Variants in CSMD1 observed in about 807,000 individuals in gnomAD.
CSMD1 encodes the protein CUB and Sushi multiple domains 1.
In CSMD1, 213 loss-of-function variants were observed where a neutral mutation model predicts 417.5. The ratio of observed to expected loss-of-function variants is 0.51; its 90% CI spans 0.46 to 0.57. The LOEUF (loss-of-function observed/expected upper bound fraction) is 0.57, where lower values mean the gene tolerates loss of function less well. CSMD1 is among the 20% of genes least tolerant of loss of function. The pLI is 0.00. For synonymous variants in CSMD1, 2,862 were observed against 1,736.8 expected, an observed-to-expected ratio of 1.65 and a Z score of -16.11; for missense variants, 6,923 against 4,529.7, an observed-to-expected ratio of 1.53 and a Z score of -15.17.
chr8:4,622,516 CT>C (rs1385823867), intron 2 of CSMD1, among the ~76,000 whole-genome samples: 1 of 152,146 alleles, frequency 6.6e-6, no homozygotes, highest in Non-Finnish European at 1.5e-5. Flanking sequence ...TCTCTTCCTC[CT>C]GCTGTGTCCA....
chr8:4,190,742 A>G (rs975136637), intron 3 of CSMD1, among the ~76,000 whole-genome samples: 36 of 152,194 alleles, frequency 2.4e-4, no homozygotes, highest in African/African-American at 7.7e-4. Flanking sequence ...ATGAATGGAT[A>G]TAACTAATTA....
chr8:3,207,316 T>G (rs76057018), intron 30 of CSMD1, among the ~76,000 whole-genome samples: 2 of 128,668 alleles, frequency 1.6e-5, no homozygotes, highest in Non-Finnish European at 3.4e-5. Context: ...CCTGGCTGAT[T>G]TTTTTTTTTT....
chr8:3,600,498 C>T (rs958769952), intron 8 of CSMD1, among the ~76,000 whole-genome samples: 2 of 152,132 alleles, frequency 1.3e-5, no homozygotes, highest in Non-Finnish European at 2.9e-5. Context: ...AAAGGGACGC[C>T]AAGTGTCAAA....
chr8:3,585,622 G>T (rs1029126005), intron 9 of CSMD1, among the ~76,000 whole-genome samples: 8 of 152,074 alleles, frequency 5.3e-5, no homozygotes, highest in Non-Finnish European at 1.2e-4. Context: ...AAATGATGAT[G>T]ACAATAATGA....
At chr8:3,415,153 T>G (rs544004686) in intron 12 of CSMD1, among the ~76,000 whole-genome samples, 2 of 152,364 alleles carry the variant, frequency 1.3e-5, no homozygotes, top group East Asian at 3.9e-4. Flanking sequence ...TTAAATTGTA[T>G]ATATTGTTCA....
At chr8:3,492,041 G>A (rs559026833) in intron 11 of CSMD1, among the ~76,000 whole-genome samples, 23 of 152,286 alleles carry the variant, frequency 1.5e-4, no homozygotes, top group African/African-American at 4.8e-4. Context: ...ATGAGGAAAA[G>A]GATTAATCAG....
At chr8:3,881,217 T>C (rs1235526709) in intron 5 of CSMD1, among the ~76,000 whole-genome samples, 1 of 151,646 alleles carries the variant, frequency 6.6e-6, no homozygotes, top group East Asian at 1.9e-4. Context: ...TAGATTCAAG[T>C]CACTCTCAAC....
intron 3 of CSMD1, among the ~76,000 whole-genome samples, chr8:4,117,642 C>T (rs779891184): frequency 1.3e-4 from 20 of 152,256 alleles, no homozygotes; most frequent in Non-Finnish European, 2.9e-4. Flanking sequence ...AACGCTGAAG[C>T]GCCCGCACTT....
intron 4 of CSMD1, among the ~76,000 whole-genome samples, chr8:3,999,803 G>A (rs985454657): frequency 1.3e-5 from 2 of 152,118 alleles, no homozygotes; most frequent in Admixed American, 6.5e-5. Context: ...ACTACATGAG[G>A]GATGGGTGTT....
In CSMD1 at chr8:3,980,460, A is replaced by AC. The variant is rs1563279094; in HGVS notation, c.818+17442_818+17443insG. ...CTTCACATCTTACACGTTTGTGAAG[A>AC]TTTTTTTTTGCCAAACTTCCTCACA... On this transcript the variant is annotated intron_variant, in intron 5 of 69. Transcript: ENST00000635120. Among the ~76,000 whole-genome samples the AC allele has an allele frequency of 4.6e-5, 7 of 151,614 alleles. No homozygotes were observed. In the South Asian group the frequency reaches 6.3e-4, roughly 14 times the overall value.
In CSMD1 at chr8:3,352,124, C is replaced by T. The variant is rs181207827; in HGVS notation, c.3305-3963G>A. ...CCACTTGACACCGCAGCCGTGTTGG[C>T]ATCTCCAAAGGCCTACTGAGAAACA... On this transcript the variant is annotated intron_variant, in intron 21 of 69. Coordinates refer to ENST00000635120, the MANE Select transcript of CSMD1 (RefSeq NM_033225.6). Among the ~76,000 whole-genome samples, 510 of 152,260 alleles carry T rather than the reference C, an allele frequency of 3.3e-3. 2 individuals carry two copies. The highest frequency in any genetic ancestry group is 5.6e-3 in the Non-Finnish European group (384 of 68,022).
chr8:4,873,960 G>A (rs893333732), intron 1 of CSMD1, among the ~76,000 whole-genome samples: 2 of 152,116 alleles, frequency 1.3e-5, no homozygotes, highest in African/African-American at 4.8e-5. Flanking sequence ...ACTATTTCAA[G>A]CTATAAATAT....
chr8:4,825,801 A>G (rs1043983587), intron 1 of CSMD1, among the ~76,000 whole-genome samples: 3 of 151,948 alleles, frequency 2.0e-5, no homozygotes, highest in Admixed American at 2.0e-4. Flanking sequence ...AAAAAGAAAA[A>G]AAAAAGAAAT....
At chr8:4,591,198 A>G (rs1330329231) in intron 2 of CSMD1, among the ~76,000 whole-genome samples, 1 of 152,206 alleles carries the variant, frequency 6.6e-6, no homozygotes, top group African/African-American at 2.4e-5. Flanking sequence ...GTATTGGCTG[A>G]GTAAAGATGA....
At chr8:3,717,163 C>T (rs1374384531) in intron 6 of CSMD1, among the ~76,000 whole-genome samples, 1 of 152,114 alleles carries the variant, frequency 6.6e-6, no homozygotes, top group African/African-American at 2.4e-5. Flanking sequence ...TTTTTATTTT[C>T]GTCGATAATT....
At chr8:4,347,615 A>C (rs1306146402) in intron 3 of CSMD1, among the ~76,000 whole-genome samples, 2 of 152,300 alleles carry the variant, frequency 1.3e-5, no homozygotes, top group East Asian at 3.9e-4. Flanking sequence ...ATCTGCTCTG[A>C]GTCTTCTAGT....
chr8:3,533,456 T>C (rs1798063201), intron 10 of CSMD1, among the ~76,000 whole-genome samples: 1 of 152,196 alleles, frequency 6.6e-6, no homozygotes. Context: ...CTCCTTTAGA[T>C]TCCTCATGTA....
chr8:4,208,525 C>T (rs1239992300), intron 3 of CSMD1, among the ~76,000 whole-genome samples: 3 of 152,124 alleles, frequency 2.0e-5, no homozygotes, highest in Non-Finnish European at 4.4e-5. Context: ...ACCATAAGAA[C>T]AGATTATATT....
At chr8:4,924,745 A>AAAAC (rs869281900) in intron 1 of CSMD1, among the ~76,000 whole-genome samples, 14 of 149,634 alleles carry the variant, frequency 9.4e-5, no homozygotes, top group African/African-American at 3.5e-4. Flanking sequence ...AAAAAAAAAA[A>AAAAC]CCTACAAAAA....
Sources: gnomAD v4.1 joint callset for allele counts (sites outside exome capture counted in the v4.1 genomes callset) on GRCh38, gnomAD v4.1.1 for gene constraint, MANE v1.5 for transcripts, NCBI Gene and HGNC (gene_info 2026-07-23, HGNC 2026-07-21) for gene names.